TAF4B: variants seen among roughly 807,000 people sequenced by gnomAD.
TAF4B encodes the protein transcription initiation factor TFIID subunit 4B.
Under a neutral mutation model 86.4 loss-of-function variants are expected in TAF4B, and 38 were observed. The observed-to-expected ratio is 0.44, with a 90% CI of 0.34 to 0.58. The LOEUF is 0.58. Among genes scored for constraint, TAF4B ranks in the 20% least tolerant of loss-of-function variants. The pLI is 0.02. For missense variants in TAF4B, 988 were observed against 1,027.6 expected (o/e 0.96, Z 0.53); for synonymous variants, 388 against 391.2 (o/e 0.99, Z 0.10).
At chr18:26,245,172 A>G (rs1462630532) in intron 1 of TAF4B, among the ~76,000 whole-genome samples, 2 of 152,038 alleles carry the variant, frequency 1.3e-5, no homozygotes, top group Admixed American at 6.6e-5. Flanking sequence ...TAGCCCCCAA[A>G]TTCTAAGGAA....
chr18:26,352,255 A>C (rs1036506525), intron 13 of TAF4B, among the ~76,000 whole-genome samples: 1 of 152,102 alleles, frequency 6.6e-6, no homozygotes, highest in African/African-American at 2.4e-5. Flanking sequence ...CTGTAATGGA[A>C]CTATATCTTT....
intron 6 of TAF4B, among the ~76,000 whole-genome samples, chr18:26,284,908 A>G (rs1034804851): frequency 1.3e-5 from 2 of 152,170 alleles, no homozygotes; most frequent in Non-Finnish European, 2.9e-5. Context: ...ATTCTTTCAG[A>G]TCGTAAAATT....
chr18:26,293,629 G>A, intron 9 of TAF4B, 98 bp downstream of exon 9: 1 of 664,566 alleles, frequency 1.5e-6, no homozygotes, highest in East Asian at 3.1e-5. Flanking sequence ...ATATACTGAT[G>A]CCTTTTTACA....
chr18:26,239,515 A>T (rs1159216094), intron 1 of TAF4B, among the ~76,000 whole-genome samples: 1 of 152,018 alleles, frequency 6.6e-6, no homozygotes, highest in Non-Finnish European at 1.5e-5. Flanking sequence ...AGATTGTAAA[A>T]ATTTTCTCCC....
chr18:26,304,844 AC>A, intron 9 of TAF4B: 5 of 985,398 alleles, frequency 5.1e-6, no homozygotes, highest in Non-Finnish European at 2.4e-6. Context: ...TAGTCCACTT[AC>A]TGCCTGAAGG....
chr18:26,358,105 G>A (rs1287402352), intron 14 of TAF4B, among the ~76,000 whole-genome samples: 1 of 151,870 alleles, frequency 6.6e-6, no homozygotes, highest in Non-Finnish European at 1.5e-5. Context: ...GTGTTTTTAT[G>A]CAGTCCTGTT....
At chr18:26,239,466 C>T (rs1467475175) in intron 1 of TAF4B, among the ~76,000 whole-genome samples, 1 of 151,966 alleles carries the variant, frequency 6.6e-6, no homozygotes, top group African/African-American at 2.4e-5. Context: ...TGTTTGAGTT[C>T]TCTGTAGATT....
chr18:26,260,695 C>G (rs1392513855), intron 1 of TAF4B, among the ~76,000 whole-genome samples: 1 of 151,228 alleles, frequency 6.6e-6, no homozygotes, highest in Non-Finnish European at 1.5e-5. Flanking sequence ...AGATTTATCT[C>G]CAAGTTTGCT....
intron 14 of TAF4B, among the ~76,000 whole-genome samples, chr18:26,378,601 G>T (rs933600732): frequency 1.3e-5 from 2 of 152,100 alleles, no homozygotes; most frequent in African/African-American, 4.8e-5. Flanking sequence ...TCAGATTGAG[G>T]TATAATTTAT....
intron 1 of TAF4B, among the ~76,000 whole-genome samples, chr18:26,258,498 A>G (rs896647456): frequency 6.6e-6 from 1 of 152,162 alleles, no homozygotes; most frequent in African/African-American, 2.4e-5. Context: ...TGTTCTATAC[A>G]ATAGTTTTTA....
At chr18:26,277,588 AT>A (rs1363411812) in intron 5 of TAF4B, among the ~76,000 whole-genome samples, 1 of 152,186 alleles carries the variant, frequency 6.6e-6, no homozygotes, top group Non-Finnish European at 1.5e-5. Context: ...GTGATATGTT[AT>A]TTTTTTGGGA....
intron 6 of TAF4B, among the ~76,000 whole-genome samples, chr18:26,284,463 T>C (rs1035567088): frequency 6.6e-6 from 1 of 152,250 alleles, no homozygotes; most frequent in Non-Finnish European, 1.5e-5. Flanking sequence ...GAGTCCTAGC[T>C]TTCCATCTCT....
At chr18:26,332,787 A>C (rs112779275) in intron 12 of TAF4B, among the ~76,000 whole-genome samples, 195 of 152,088 alleles carry the variant, frequency 1.3e-3, no homozygotes, top group African/African-American at 4.4e-3. Context: ...CCACCTCAGC[A>C]TCCCAAAGTG....
At chr18:26,375,938 C>T (rs2057439864) in intron 14 of TAF4B, among the ~76,000 whole-genome samples, 1 of 151,962 alleles carries the variant, frequency 6.6e-6, no homozygotes, top group Admixed American at 6.6e-5. Context: ...TCCAGTTGTC[C>T]AGGCATCATT....
chr18:26,372,622 C>T (rs1483336252), intron 14 of TAF4B, among the ~76,000 whole-genome samples: 1 of 152,138 alleles, frequency 6.6e-6, no homozygotes, highest in Non-Finnish European at 1.5e-5. Context: ...CTTCCTTCCA[C>T]ATATTTTGCC....
chr18:26,294,458 T>G (rs935741816), intron 9 of TAF4B, among the ~76,000 whole-genome samples: 7 of 151,620 alleles, frequency 4.6e-5, no homozygotes, highest in African/African-American at 1.7e-4. Flanking sequence ...TGGCCCATTT[T>G]TGTTTCTTGC....
chr18:26,358,632 C>T (rs2057307256), intron 14 of TAF4B, among the ~76,000 whole-genome samples: 1 of 152,170 alleles, frequency 6.6e-6, no homozygotes, highest in African/African-American at 2.4e-5. Context: ...ATGGCGTGAA[C>T]CCGGAAGGCG....
chr18:26,316,093 T>TA (rs111735049), intron 10 of TAF4B, among the ~76,000 whole-genome samples: 11,788 of 152,164 alleles, frequency 0.077, 560 homozygotes, highest in Non-Finnish European at 0.1. Context: ...TAGTCTTAGC[T>TA]ACTCGGGAGG....
intron 13 of TAF4B, among the ~76,000 whole-genome samples, chr18:26,345,247 CTGTG>C (rs1568164023): frequency 6.6e-6 from 1 of 152,250 alleles, no homozygotes; most frequent in East Asian, 1.9e-4. Context: ...TGCTGAACAA[CTGTG>C]AGCCCACATC....
Sources: gnomAD v4.1 joint callset for allele counts (sites outside exome capture counted in the v4.1 genomes callset) on GRCh38, gnomAD v4.1.1 for gene constraint, MANE v1.5 for transcripts, NCBI Gene and HGNC (gene_info 2026-07-23, HGNC 2026-07-21) for gene names.